The following SOX6 variants were observed in gnomAD, a reference collection of about 807,000 sequenced individuals.
SOX6 encodes transcription factor SOX-6.
SOX6 carries 11 observed loss-of-function variants against 97.8 expected under a neutral mutation model. That is an observed-to-expected ratio of 0.11 (90% CI 0.07 to 0.19). SOX6 has a LOEUF of 0.19. Ranked by LOEUF, SOX6 falls within the 10% of genes least tolerant of loss-of-function variation. The pLI, the probability that SOX6 is intolerant of heterozygous loss-of-function variation, is 1.00. For missense variants in SOX6, 810 were observed against 1,039.5 expected, an observed-to-expected ratio of 0.78 and a Z score of 3.04; for synonymous variants, 360 against 371.4, an observed-to-expected ratio of 0.97 and a Z score of 0.35.
At chr11:16,270,801 T>G (rs1054770775) in intron 3 of SOX6, among the ~76,000 whole-genome samples, 3 of 151,362 alleles carry the variant, frequency 2.0e-5, no homozygotes, top group Non-Finnish European at 4.4e-5. Flanking sequence ...TTCTACCTAG[T>G]CATATCTAGA....
intron 2 of SOX6, among the ~76,000 whole-genome samples, chr11:16,735,271 C>A (rs1302156727): frequency 6.6e-6 from 1 of 152,106 alleles, no homozygotes; most frequent in Non-Finnish European, 1.5e-5. Context: ...GAATACAATA[C>A]TTTTAGGCTT....
chr11:16,390,066 A>G (rs1324112877), intron 1 of SOX6, among the ~76,000 whole-genome samples: 3 of 149,956 alleles, frequency 2.0e-5, no homozygotes, highest in African/African-American at 4.9e-5. Flanking sequence ...TCAAACATCT[A>G]TTTAGCTCTT....
intron 4 of SOX6, among the ~76,000 whole-genome samples, chr11:16,486,584 G>A (rs910625381): frequency 1.3e-5 from 2 of 152,142 alleles, no homozygotes; most frequent in Non-Finnish European, 2.9e-5. Context: ...ATTGTGGCTG[G>A]GTGCGGTGGC....
chr11:16,448,728 A>G (rs966065285), intron 1 of SOX6, among the ~76,000 whole-genome samples: 12 of 152,124 alleles, frequency 7.9e-5, no homozygotes, highest in African/African-American at 2.7e-4. Flanking sequence ...CTCATACAAG[A>G]CCTATTAAAT....
chr11:16,001,023 A>AT (rs148397014), intron 13 of SOX6, among the ~76,000 whole-genome samples: 16,494 of 150,636 alleles, frequency 0.11, 1,927 homozygotes, highest in East Asian at 0.35. Context: ...TACCCAGCTA[A>AT]TTTTTTTTTA....
At chr11:16,183,451 A>C (rs1443930318) in intron 6 of SOX6, among the ~76,000 whole-genome samples, 2 of 152,016 alleles carry the variant, frequency 1.3e-5, no homozygotes, top group Non-Finnish European at 2.9e-5. Context: ...TTAAGGAACA[A>C]ATTATTAACA....
At chr11:16,637,322 AC>A (rs1361593320) in intron 3 of SOX6, among the ~76,000 whole-genome samples, 6 of 151,990 alleles carry the variant, frequency 3.9e-5, no homozygotes, top group Non-Finnish European at 8.8e-5. Context: ...CTGGGTTCCA[AC>A]GATTCTCCTG....
At chr11:16,652,612 C>T (rs987403449) in intron 3 of SOX6, among the ~76,000 whole-genome samples, 5 of 151,874 alleles carry the variant, frequency 3.3e-5, no homozygotes, top group African/African-American at 1.2e-4. Flanking sequence ...AAAAATCAAC[C>T]CCAGGTGGAT....
At chr11:16,029,635 C>CAA (rs1236387698) in intron 12 of SOX6, among the ~76,000 whole-genome samples, 3 of 93,898 alleles carry the variant, frequency 3.2e-5, no homozygotes, top group Non-Finnish European at 4.4e-5. Flanking sequence ...GACTCCGTCT[C>CAA]AAAAAAAAAA....
At chr11:16,097,393 A>C (rs1399031020) in intron 8 of SOX6, among the ~76,000 whole-genome samples, 9 of 151,908 alleles carry the variant, frequency 5.9e-5, no homozygotes, top group Admixed American at 5.9e-4. Context: ...GAGAATACAT[A>C]GTATTAAGTC....
intron 12 of SOX6, chr11:16,015,372 G>T (rs1854854229): frequency 2.9e-6 from 1 of 339,822 alleles, no homozygotes. Context: ...AGCCAACAAT[G>T]CAAAAACCTG....
intron 1 of SOX6, among the ~76,000 whole-genome samples, chr11:16,431,992 A>G (rs1859280111): frequency 6.6e-6 from 1 of 152,238 alleles, no homozygotes; most frequent in Non-Finnish European, 1.5e-5. Flanking sequence ...AGAAACAAAG[A>G]TATGGTATTG....
chr11:16,690,058 G>C (rs1379806547), intron 3 of SOX6, among the ~76,000 whole-genome samples: 5 of 151,844 alleles, frequency 3.3e-5, no homozygotes, highest in Non-Finnish European at 7.4e-5. Context: ...CCGAGTATCT[G>C]GGATTACAAA....
chr11:16,330,518 C>T (rs1856256808), intron 2 of SOX6, among the ~76,000 whole-genome samples: 1 of 152,176 alleles, frequency 6.6e-6, no homozygotes, highest in Non-Finnish European at 1.5e-5. Flanking sequence ...TATCAAGCCA[C>T]TGCACTCCAG....
intron 1 of SOX6, among the ~76,000 whole-genome samples, chr11:16,350,022 A>G (rs913631440): frequency 6.6e-6 from 1 of 152,226 alleles, no homozygotes; most frequent in African/African-American, 2.4e-5. Flanking sequence ...ACACAAAAAT[A>G]GACCAGTTTA....
At position 16,237,877 on chromosome 11, in the gene SOX6, TG is replaced by T. The variant is rs371075941; in HGVS notation, c.446-3207del. On this transcript the variant is annotated intron_variant, in intron 3 of 15. Transcript: ENST00000683767. ...TTAATGTCTTTAAGTTGTCATCATC[TG>T]AAAAACAGGAGAGAAAATATATGCT... 6.2e-4 allele frequency among the ~76,000 whole-genome samples: 94 copies of T among 152,054 alleles called. 1 individual carries two copies. The South Asian group carries it at 0.015, about 24-fold the overall frequency.
At chr11:16,029,833 TATA>T (rs1564915321) in intron 12 of SOX6, among the ~76,000 whole-genome samples, 2 of 152,186 alleles carry the variant, frequency 1.3e-5, no homozygotes, top group South Asian at 2.1e-4. Flanking sequence ...AGATCATGAA[TATA>T]ATAATTATAC....
At chr11:16,583,618 T>TATATATATACACACACACACAC (rs1554976105) in intron 4 of SOX6, among the ~76,000 whole-genome samples, 23 of 126,014 alleles carry the variant, frequency 1.8e-4, no homozygotes, top group East Asian at 8.9e-4. Flanking sequence ...TATATACATA[T>TATATATATACACACACACACAC]ATATATATAT....
intron 2 of SOX6, among the ~76,000 whole-genome samples, 198 bp downstream of exon 2, chr11:16,340,813 TA>T (rs1300795064): frequency 6.6e-6 from 1 of 152,060 alleles, no homozygotes; most frequent in Non-Finnish European, 1.5e-5. Flanking sequence ...GACCTAATAA[TA>T]AACGTATATA....
Sources: gnomAD v4.1 joint callset for allele counts (sites outside exome capture counted in the v4.1 genomes callset) on GRCh38, gnomAD v4.1.1 for gene constraint, MANE v1.5 for transcripts, NCBI Gene and HGNC (gene_info 2026-07-23, HGNC 2026-07-21) for gene names.